Variants in HS3ST5 observed in about 807,000 individuals in gnomAD.
HS3ST5 encodes the protein heparan sulfate glucosamine 3-O-sulfotransferase 5.
Under a neutral mutation model 25.4 loss-of-function variants are expected in HS3ST5, and 10 were observed. The observed-to-expected ratio is 0.39, with a 90% CI of 0.24 to 0.67. The LOEUF (loss-of-function observed/expected upper bound fraction) is 0.67. HS3ST5 is among the 30% of genes least tolerant of loss of function. The probability of loss-of-function intolerance (pLI) is 0.44; values close to 1 mark genes in which losing one functional copy is unlikely to be tolerated. For missense variants in HS3ST5, 324 were observed against 420.7 expected, an observed-to-expected ratio of 0.77 and a Z score of 2.01; for synonymous variants, 170 against 162.4, an observed-to-expected ratio of 1.05 and a Z score of -0.36.
chr6:114,303,219 C>T (rs960815111), intron 1 of HS3ST5, among the ~76,000 whole-genome samples: 5 of 151,958 alleles, frequency 3.3e-5, no homozygotes, highest in Non-Finnish European at 1.5e-5. Flanking sequence ...AAAAGTATTT[C>T]AGGATTCCCA....
intron 3 of HS3ST5, chr6:114,131,254 A>G (rs1562208858): frequency 6.6e-6 from 1 of 151,452 alleles, no homozygotes; most frequent in Non-Finnish European, 1.5e-5. Context: ...TATCAAAAGG[A>G]AAAAAAAAGG....
intron 1 of HS3ST5, among the ~76,000 whole-genome samples, chr6:114,258,921 T>C (rs1562255539): frequency 6.6e-6 from 1 of 152,086 alleles, no homozygotes; most frequent in Non-Finnish European, 1.5e-5. Flanking sequence ...GGAGATGATA[T>C]GGAAAACAAA....
chr6:114,141,381 A>G (rs1368974734), intron 3 of HS3ST5, among the ~76,000 whole-genome samples: 1 of 152,272 alleles, frequency 6.6e-6, no homozygotes, highest in Non-Finnish European at 1.5e-5. Context: ...GTCATTTTTC[A>G]GATCTCAAAA....
chr6:114,309,429 C>G (rs1486545534), intron 1 of HS3ST5, among the ~76,000 whole-genome samples: 1 of 152,106 alleles, frequency 6.6e-6, no homozygotes, highest in Non-Finnish European at 1.5e-5. Flanking sequence ...ATTAAATATC[C>G]TGGCCAGGTG....
At chr6:114,166,239 C>T in intron 3 of HS3ST5, among the ~76,000 whole-genome samples, 1 of 152,010 alleles carries the variant, frequency 6.6e-6, no homozygotes, top group East Asian at 1.9e-4. Flanking sequence ...GCACAGTAAA[C>T]TTAATGTATC....
chr6:114,190,008 C>A (rs765756643), intron 2 of HS3ST5, among the ~76,000 whole-genome samples: 2 of 152,128 alleles, frequency 1.3e-5, no homozygotes, highest in African/African-American at 2.4e-5. Flanking sequence ...AATGTGATTG[C>A]CAGGATTCTC....
At chr6:114,172,748 C>T (rs972212707) in intron 2 of HS3ST5, among the ~76,000 whole-genome samples, 6 of 152,174 alleles carry the variant, frequency 3.9e-5, no homozygotes, top group Admixed American at 6.5e-5. Flanking sequence ...GCAAGTGTTC[C>T]TAATAGATAA....
rs536916558 is a variant in HS3ST5 at position 114,098,337 on chromosome 6, C to A, written c.-32-35460G>T. Among the ~76,000 whole-genome samples the A allele has an allele frequency of 6.3e-4, 96 of 151,458 alleles. 1 individual carries two copies. The South Asian group carries it at 0.019, about 31-fold the overall frequency. On this transcript the variant is annotated intron_variant, in intron 3 of 4. Transcript: ENST00000312719. ...CAGTTAATTTGTTAAATGTATATAC[C>A]TTTACAATATATTTGCAAACACTGA...
At chr6:114,331,906 CT>C (rs1776412955) in intron 1 of HS3ST5, among the ~76,000 whole-genome samples, 1 of 151,914 alleles carries the variant, frequency 6.6e-6, no homozygotes, top group Non-Finnish European at 1.5e-5. Context: ...ACTTTTAAAT[CT>C]CATTAAGTGG....
chr6:114,072,409 T>TAG (rs1484586445), intron 3 of HS3ST5, among the ~76,000 whole-genome samples: 5 of 152,140 alleles, frequency 3.3e-5, no homozygotes, highest in Non-Finnish European at 5.9e-5. Flanking sequence ...AGCCAGTTGT[T>TAG]AAAGTCATTA....
intron 1 of HS3ST5, among the ~76,000 whole-genome samples, chr6:114,265,916 G>A (rs997154690): frequency 2.0e-5 from 3 of 152,098 alleles, no homozygotes; most frequent in Admixed American, 2.0e-4. Flanking sequence ...TGCTGTCCCT[G>A]GGTGATCTCT....
intron 3 of HS3ST5, among the ~76,000 whole-genome samples, chr6:114,087,356 C>T (rs946772217): frequency 1.1e-4 from 17 of 152,182 alleles, no homozygotes; most frequent in Non-Finnish European, 1.9e-4. Flanking sequence ...ATATTCAGCT[C>T]AGGTGTCACT....
intron 3 of HS3ST5, among the ~76,000 whole-genome samples, chr6:114,082,269 T>C (rs1209341848): frequency 1.3e-5 from 2 of 152,246 alleles, no homozygotes; most frequent in East Asian, 3.8e-4. Flanking sequence ...ATTCTTGAAA[T>C]ATCATCCTAA....
chr6:114,222,834 ATG>A (rs1336714925), intron 2 of HS3ST5, among the ~76,000 whole-genome samples: 1 of 151,888 alleles, frequency 6.6e-6, no homozygotes, highest in Non-Finnish European at 1.5e-5. Context: ...GATAAGTCCA[ATG>A]TCTTAGTGAC....
At chr6:114,105,723 A>C (rs1775958725) in intron 3 of HS3ST5, among the ~76,000 whole-genome samples, 1 of 152,162 alleles carries the variant, frequency 6.6e-6, no homozygotes, top group Admixed American at 6.5e-5. Context: ...TAACTGATCA[A>C]ATTTATAAAC....
rs142268216 is a variant in HS3ST5 at position 114,124,454 on chromosome 6, G to A, written c.-33+43897C>T. ...CAACTAACCACACCCATTCCCTGGC[G>A]CCCAACCACATATGTGACTAAAATA... On this transcript the variant is annotated intron_variant, in intron 3 of 4. Coordinates refer to ENST00000312719, the MANE Select transcript of HS3ST5 (RefSeq NM_153612.4). Among the ~76,000 whole-genome samples, 696 of 152,182 alleles carry A rather than the reference G, an allele frequency of 4.6e-3. 17 individuals carry two copies. In the South Asian group the frequency reaches 0.064, roughly 14 times the overall value.
At chr6:114,261,353 T>C (rs1344440438) in intron 1 of HS3ST5, among the ~76,000 whole-genome samples, 2 of 152,118 alleles carry the variant, frequency 1.3e-5, no homozygotes, top group Non-Finnish European at 2.9e-5. Context: ...ATCACACAAA[T>C]AGAAGAGTTA....
chr6:114,218,738 G>A (rs1038656973), intron 2 of HS3ST5, among the ~76,000 whole-genome samples: 10 of 152,090 alleles, frequency 6.6e-5, no homozygotes, highest in African/African-American at 1.7e-4. Context: ...AATCAAACAC[G>A]TAACTTTTTT....
intron 1 of HS3ST5, among the ~76,000 whole-genome samples, chr6:114,263,402 G>T (rs1282327894): frequency 1.3e-5 from 2 of 152,018 alleles, no homozygotes; most frequent in Non-Finnish European, 2.9e-5. Flanking sequence ...ATTAAATCCA[G>T]TTAAAATAAA....
Sources: gnomAD v4.1 joint callset for allele counts (sites outside exome capture counted in the v4.1 genomes callset) on GRCh38, gnomAD v4.1.1 for gene constraint, MANE v1.5 for transcripts, NCBI Gene and HGNC (gene_info 2026-07-23, HGNC 2026-07-21) for gene names.